KCTD1: variants seen among roughly 807,000 people sequenced by gnomAD.
The protein encoded by KCTD1 is potassium channel tetramerization domain containing 1.
In KCTD1, 24 loss-of-function variants were observed where a neutral mutation model predicts 66.0. The ratio of observed to expected loss-of-function variants is 0.36; its 90% confidence interval spans 0.26 to 0.51. KCTD1 has a LOEUF of 0.51. Ranked by LOEUF, KCTD1 falls within the 20% of genes least tolerant of loss-of-function variation. The pLI is 0.95. For missense variants in KCTD1, 943 were observed against 1,205.2 expected (o/e 0.78, Z 3.22); for synonymous variants, 511 against 517.2 (o/e 0.99, Z 0.16).
rs533787433 is a variant in KCTD1, at chr18:26,617,674, T to C, written c.-16+11473A>G. 1.6e-4 allele frequency among the ~76,000 whole-genome samples: 24 copies of C among 152,320 alleles called. No homozygotes were observed. In the South Asian group the frequency reaches 4.6e-3, roughly 29 times the overall value. On this transcript the variant is annotated intron_variant, in intron 1 of 4. Coordinates refer to the KCTD1 transcript ENST00000317932. ...TGGTAGAGAATGGTTTTGGCATGTATAATGCGGTGTCCAAATCTCCCATAT... is the reference window on the plus strand; with the variant it reads ...TGGTAGAGAATGGTTTTGGCATGTACAATGCGGTGTCCAAATCTCCCATAT...
At chr18:26,471,295 C>T (rs1226923024) in intron 3 of KCTD1, among the ~76,000 whole-genome samples, 7 of 151,694 alleles carry the variant, frequency 4.6e-5, no homozygotes, top group Non-Finnish European at 8.8e-5. Context: ...ACCCAAAGCT[C>T]GATGTATTCT....
chr18:26,651,900 G>A (rs1329406928), intron 1 of KCTD1, among the ~76,000 whole-genome samples: 3 of 152,144 alleles, frequency 2.0e-5, no homozygotes, highest in East Asian at 3.9e-4. Context: ...CCGAGGTTTC[G>A]GGCATGTTAC....
chr18:26,480,691 C>T (rs754774539), intron 2 of KCTD1, among the ~76,000 whole-genome samples: 2 of 151,958 alleles, frequency 1.3e-5, no homozygotes, highest in Non-Finnish European at 1.5e-5. Flanking sequence ...TGCCTGAACC[C>T]GGGAGATGGA....
intron 1 of KCTD1, among the ~76,000 whole-genome samples, chr18:26,622,043 T>C (rs1433732626): frequency 2.0e-5 from 3 of 152,242 alleles, no homozygotes; most frequent in African/African-American, 7.2e-5. Flanking sequence ...TGATTAGCTG[T>C]GTGGCTTTAA....
intron 1 of KCTD1, among the ~76,000 whole-genome samples, chr18:26,532,256 TCC>T (rs1491165318): frequency 7.4e-5 from 5 of 67,228 alleles, no homozygotes; most frequent in Middle Eastern, 9.6e-3. Context: ...TTCTTTTCTT[TCC>T]TTCTTTTTTT....
At chr18:26,491,316 G>A (rs1194708953) in intron 2 of KCTD1, among the ~76,000 whole-genome samples, 1 of 152,156 alleles carries the variant, frequency 6.6e-6, no homozygotes, top group Non-Finnish European at 1.5e-5. Context: ...TCCCAGTGTT[G>A]TCAAGTGCAC....
chr18:26,604,276 G>A (rs1986963588), intron 1 of KCTD1, among the ~76,000 whole-genome samples: 2 of 152,146 alleles, frequency 1.3e-5, no homozygotes, highest in Non-Finnish European at 2.9e-5. Context: ...ATTCTGGCAA[G>A]GTTGTGGAGA....
intron 4 of KCTD1, chr18:26,457,216 C>CTAT (rs1980139293): frequency 6.6e-6 from 1 of 152,032 alleles, no homozygotes; most frequent in South Asian, 2.1e-4. Context: ...CAGCAGTGCT[C>CTAT]TATTTCTGTA....
chr18:26,627,915 A>T (rs550621274), intron 1 of KCTD1, among the ~76,000 whole-genome samples: 92 of 152,142 alleles, frequency 6.0e-4, no homozygotes, highest in Non-Finnish European at 1.2e-3. Context: ...TGGTGGTGGA[A>T]CTGCTTTACC....
chr18:26,612,291 C>T (rs192987850), intron 1 of KCTD1, among the ~76,000 whole-genome samples: 1 of 152,254 alleles, frequency 6.6e-6, no homozygotes, highest in African/African-American at 2.4e-5. Context: ...AGGGAGTCCA[C>T]CTTGGTTCTC....
At chr18:26,563,541 C>T (rs1406503575) in intron 1 of KCTD1, among the ~76,000 whole-genome samples, 1 of 152,220 alleles carries the variant, frequency 6.6e-6, no homozygotes, top group Admixed American at 6.5e-5. Context: ...AATGATTTCA[C>T]ATGTTACCTC....
chr18:26,565,924 C>G (rs935368988), intron 1 of KCTD1: 1 of 152,038 alleles, frequency 6.6e-6, no homozygotes. Flanking sequence ...ATTTTTCTCT[C>G]CAGATTTATG....
At position 26,547,011 on chromosome 18, in the gene KCTD1, G is replaced by A. The variant is rs1258462885; in HGVS notation, c.1526C>T (p.Ser509Leu). Reference protein sequence around the residue: ...PSHHHRPQPPSLGNTYILPKD... With the variant: ...PSHHHRPQPPLLGNTYILPKD... ...GGGGAGGATGTAAGTGTTCCCCAGCGAGGGCGGCTGGGGGCGGTGGTGGTG... is the reference window on the plus strand; with the variant it reads ...GGGGAGGATGTAAGTGTTCCCCAGCAAGGGCGGCTGGGGGCGGTGGTGGTG... Residue 509 changes from serine (S) to leucine (L), a missense_variant, in exon 1 of 5, where the codon TCG becomes TTG. Coordinates refer to ENST00000580059, the MANE Select transcript of KCTD1 (RefSeq NM_001142730.3). The A allele has an allele frequency of 2.7e-6, 4 of 1,485,286 alleles. No homozygotes were observed. The highest frequency in any genetic ancestry group is 2.2e-5 in the Admixed American group (1 of 45,608). 92.0% of individuals were successfully genotyped at this position (1,485,286 alleles called of 1,614,324 possible).
intron 1 of KCTD1, among the ~76,000 whole-genome samples, chr18:26,648,913 A>C (rs1470158785): frequency 6.6e-6 from 1 of 152,202 alleles, no homozygotes; most frequent in Non-Finnish European, 1.5e-5. Flanking sequence ...TACACAAGTA[A>C]TATCTTGCAA....
At chr18:26,530,326 G>C (rs1984376455) in intron 1 of KCTD1, among the ~76,000 whole-genome samples, 1 of 152,196 alleles carries the variant, frequency 6.6e-6, no homozygotes, top group Non-Finnish European at 1.5e-5. Context: ...AGGAGTTAGA[G>C]GTTGAGCCAG....
chr18:26,547,066 G>C lies in KCTD1; in HGVS notation c.1471C>G (p.His491Asp), dbSNP rs1985270378. Residue 491 changes from histidine (H) to aspartate (D), a missense_variant, in exon 1 of 5, where the codon CAC (histidine) becomes GAC (aspartate). His to Asp is a moderately conservative substitution (Grantham distance 81). This residue lies in a region of KCTD1 where 197 missense variants were observed against 182.7 expected (regional missense o/e 1.08). Coordinates refer to ENST00000580059, the MANE Select transcript of KCTD1 (RefSeq NM_001142730.3). ...AEALNGAARH[H>D]SHHPPTHPSH... ...GGATGGGTGGGGGGGTGGTGGGAGTGGTGCCGTGCCGCCCCGTTCAGAGCC... is the reference window on the plus strand; with the variant it reads ...GGATGGGTGGGGGGGTGGTGGGAGTCGTGCCGTGCCGCCCCGTTCAGAGCC... 2.0e-6 allele frequency: 3 copies of C among 1,517,626 alleles called. No individual in the cohort carries two copies. In the East Asian group the frequency reaches 7.4e-5, roughly 37 times the overall value. The allele number at this position is 1,517,626 out of a possible 1,614,324, so 94.0% of individuals were successfully genotyped here.
intron 1 of KCTD1, among the ~76,000 whole-genome samples, chr18:26,525,642 C>T (rs969814817): frequency 6.6e-6 from 1 of 152,172 alleles, no homozygotes; most frequent in African/African-American, 2.4e-5. Context: ...CCCTGATAAC[C>T]AACTGTCATG....
intron 1 of KCTD1, among the ~76,000 whole-genome samples, chr18:26,576,902 T>G (rs1986237611): frequency 6.6e-6 from 1 of 152,222 alleles, no homozygotes; most frequent in African/African-American, 2.4e-5. Context: ...AGAGTGAAAC[T>G]GCCTTTGTCC....
upstream of KCTD1, among the ~76,000 whole-genome samples, chr18:26,551,806 T>G (rs947661759): frequency 6.6e-6 from 1 of 152,230 alleles, no homozygotes; most frequent in Non-Finnish European, 1.5e-5. Context: ...AAAGCTTTCT[T>G]CTTATTATTT....
Sources: gnomAD v4.1 joint callset for allele counts (sites outside exome capture counted in the v4.1 genomes callset) on GRCh38, gnomAD v4.1.1 for gene constraint, gnomAD v4.1.1 regional missense constraint, MANE v1.5 for transcripts, NCBI Gene and HGNC (gene_info 2026-07-23, HGNC 2026-07-21) for gene names.